BPIFB4: variants seen among roughly 807,000 people sequenced by gnomAD.
The protein encoded by BPIFB4 is BPI fold containing family B member 4, also known as BPI fold-containing family B member 4.
In BPIFB4, 62 loss-of-function variants were observed where a neutral mutation model predicts 69.2. The observed-to-expected ratio is 0.90, with a 90% confidence interval of 0.73 to 1.11. The LOEUF (loss-of-function observed/expected upper bound fraction) is 1.11, where lower values mean the gene tolerates loss of function less well. Ranked by LOEUF, BPIFB4 falls within the 50% of genes least tolerant of loss-of-function variation. The probability of loss-of-function intolerance (pLI) is 0.00; values close to 1 mark genes in which losing one functional copy is unlikely to be tolerated. For missense variants in BPIFB4, 789 were observed against 792.0 expected, an observed-to-expected ratio of 1.00 and a Z score of 0.04; for synonymous variants, 330 against 332.7, an observed-to-expected ratio of 0.99 and a Z score of 0.09.
intron 1 of BPIFB4, 115 bp from the exon 2 acceptor site, chr20:33,080,354 G>A (rs1568998938): frequency 6.6e-6 from 1 of 152,360 alleles, no homozygotes; most frequent in East Asian, 1.9e-4. Flanking sequence ...TGGAGTGAGA[G>A]AAGTGGATGA....
At chr20:33,096,489 G>GGTC in intron 12 of BPIFB4, among the ~76,000 whole-genome samples, 1 of 152,274 alleles carries the variant, frequency 6.6e-6, no homozygotes, top group South Asian at 2.1e-4. Context: ...TGACCAGGCT[G>GGTC]GTCTCGAACT....
rs56030970 is a variant in BPIFB4, at chr20:33,087,753, C to CACACACACACACACACACACACACAA, written c.927-1212_927-1211insCACACACACACACACACACACACAAA. Reference sequence around the variant, plus strand: ...ACACACACACACACACACACACACACAAGCATGCATGCATACACACACATA... The same window carrying CACACACACACACACACACACACACAA: ...ACACACACACACACACACACACACACACACACACACACACACACACACACAAAAGCATGCATGCATACACACACATA... On this transcript the variant is annotated intron_variant, in intron 7 of 17. Transcript: ENST00000375483. 1.3e-3 allele frequency among the ~76,000 whole-genome samples: 189 copies of CACACACACACACACACACACACACAA among 140,850 alleles called. 6 individuals carry two copies. The highest frequency in any genetic ancestry group is 2.9e-3 in the East Asian group (13 of 4,526). 92.4% of individuals were successfully genotyped at this position (140,850 alleles called of 152,430 possible).
chr20:33,085,036 T>A (rs1981383018), intron 6 of BPIFB4, 40 bp downstream of exon 6: 1 of 1,590,736 alleles, frequency 6.3e-7, no homozygotes, highest in East Asian at 2.3e-5. Flanking sequence ...CACCACCCTA[T>A]GGCCCAACCT....
intron 11 of BPIFB4, among the ~76,000 whole-genome samples, chr20:33,093,294 TCCATCCAC>T (rs1333466532): frequency 1.3e-5 from 2 of 150,738 alleles, no homozygotes; most frequent in African/African-American, 4.9e-5. Flanking sequence ...TATTTATTTA[TCCATCCAC>T]CCATCCACCC....
At chr20:33,102,759 C>T (rs1053275428) in intron 14 of BPIFB4, among the ~76,000 whole-genome samples, 2 of 152,210 alleles carry the variant, frequency 1.3e-5, no homozygotes, top group African/African-American at 2.4e-5. Flanking sequence ...ATGATTTGAG[C>T]CTTCTCCGTG....
chr20:33,086,720 C>A (rs1981441188), intron 7 of BPIFB4, among the ~76,000 whole-genome samples: 1 of 152,232 alleles, frequency 6.6e-6, no homozygotes, highest in Non-Finnish European at 1.5e-5. Flanking sequence ...CCACTTGGTT[C>A]TGCCCAGTTC....
intron 17 of BPIFB4, among the ~76,000 whole-genome samples, chr20:33,108,746 CATA>C (rs1473070158): frequency 6.6e-6 from 1 of 152,184 alleles, no homozygotes; most frequent in Non-Finnish European, 1.5e-5. Context: ...AGGCCTGGCA[CATA>C]ATAAGCACTT....
At chr20:33,087,614 T>C (rs1981467651) in intron 7 of BPIFB4, among the ~76,000 whole-genome samples, 1 of 152,116 alleles carries the variant, frequency 6.6e-6, no homozygotes, top group Non-Finnish European at 1.5e-5. Flanking sequence ...CTTTTACATA[T>C]GTCATTTCAC....
chr20:33,090,077 T>C (rs1981554815), intron 9 of BPIFB4, among the ~76,000 whole-genome samples: 1 of 152,242 alleles, frequency 6.6e-6, no homozygotes, highest in Admixed American at 6.5e-5. Flanking sequence ...CCTGTATGGC[T>C]GTGCCATTTG....
intron 1 of BPIFB4, among the ~76,000 whole-genome samples, chr20:33,080,268 A>G (rs1214282501): frequency 2.6e-5 from 4 of 152,188 alleles, no homozygotes; most frequent in Non-Finnish European, 4.4e-5. Context: ...GCTGAAACCA[A>G]CAATTTCTTG....
chr20:33,085,195 C>T (rs1600553653), intron 6 of BPIFB4, among the ~76,000 whole-genome samples, 199 bp downstream of exon 6: 1 of 152,236 alleles, frequency 6.6e-6, no homozygotes, highest in East Asian at 1.9e-4. Flanking sequence ...TGGCTCATGC[C>T]TGTCATCCCA....
In BPIFB4 at chr20:33,095,014, A is replaced by G; in HGVS notation, c.1345-86A>G. On this transcript the variant is annotated intron_variant, in intron 11 of 17. Coordinates refer to ENST00000375483, the MANE Select transcript of BPIFB4 (RefSeq NM_182519.3). ...GACGCCCTGCTGGGTGTTGTAAAGC[A>G]TGTAGGAGTTTAATCACTGTATTAG... 10 of 1,311,010 alleles carry G rather than the reference A, an allele frequency of 7.6e-6. No homozygotes were observed. In the South Asian group the frequency reaches 1.2e-4, roughly 15 times the overall value. The allele number at this position is 1,311,010 out of a possible 1,614,324, so 81.2% of individuals were successfully genotyped here. A position where few individuals can be genotyped will look rare whatever the true frequency, so the allele number is the denominator to read the frequency against.
At chr20:33,088,340 C>CA (rs11167197) in intron 7 of BPIFB4, among the ~76,000 whole-genome samples, 29 of 122,818 alleles carry the variant, frequency 2.4e-4, no homozygotes, top group African/African-American at 5.8e-4. Context: ...GACTCTGTCT[C>CA]AAAAAAAAAA....
At position 33,095,162 on chromosome 20, in the gene BPIFB4, G is replaced by C; in HGVS notation, c.1398+9G>C. ...GAGCCCTGATCCCCAAGGTATGTAAGGTGGGCAGGTCCCATTGCCTTCAGC... is the reference window on the plus strand; with the variant it reads ...GAGCCCTGATCCCCAAGGTATGTAACGTGGGCAGGTCCCATTGCCTTCAGC... On this transcript the variant is annotated intron_variant, in intron 12 of 17. Coordinates refer to ENST00000375483, the MANE Select transcript of BPIFB4 (RefSeq NM_182519.3). 1 of 1,601,112 alleles carries C rather than the reference G, an allele frequency of 6.2e-7. No individual in the cohort carries two copies. The highest frequency in any genetic ancestry group is 8.6e-7 in the Non-Finnish European group (1 of 1,168,186).
intron 13 of BPIFB4, among the ~76,000 whole-genome samples, chr20:33,099,856 T>C (rs1345721368): frequency 6.6e-5 from 10 of 152,200 alleles, no homozygotes; most frequent in Admixed American, 6.5e-4. Flanking sequence ...AGCCAACTTT[T>C]AAATTCAATT....
At position 33,111,561 on chromosome 20, in the gene BPIFB4, C is replaced by T; in HGVS notation, c.*124C>T. On this transcript the variant is annotated 3_prime_UTR_variant, in exon 18 of 18. Coordinates refer to ENST00000375483, the MANE Select transcript of BPIFB4 (RefSeq NM_182519.3). ...CTCCATGACAGGTCCCTCCCTGGCC[C>T]CCCAACCCTCTTCCTCCCTTGCCCC... 1 of 1,221,736 alleles carries T rather than the reference C, an allele frequency of 8.2e-7. No homozygotes were observed. The highest frequency in any genetic ancestry group is 1.2e-6 in the Non-Finnish European group (1 of 849,666). The allele number at this position is 1,221,736 out of a possible 1,614,324, so 75.7% of individuals were successfully genotyped here. A position where few individuals can be genotyped will look rare whatever the true frequency, so the allele number is the denominator to read the frequency against.
chr20:33,082,355 C>T (rs1972199), intron 3 of BPIFB4, among the ~76,000 whole-genome samples: 58,290 of 151,864 alleles, frequency 0.38, 11,943 homozygotes, highest in African/African-American at 0.53. Context: ...TTATTTGAGA[C>T]GGAGTTTCGC....
At chr20:33,104,673 GGGTTCTGA>G in intron 15 of BPIFB4, 129 bp from the exon 16 acceptor site, 1 of 700,732 alleles carries the variant, frequency 1.4e-6, no homozygotes, top group Non-Finnish European at 2.3e-6. Context: ...GGGGTCTCAG[GGGTTCTGA>G]CTGCCAGAAC....
rs751379362 is a variant in BPIFB4 at position 33,097,641 on chromosome 20, T to C, written c.1423T>C (p.Cys475Arg). 2 of 1,614,132 alleles carry C rather than the reference T, an allele frequency of 1.2e-6. No individual in the cohort carries two copies. The highest frequency in any genetic ancestry group is 4.5e-5 in the East Asian group (2 of 44,890). Residue 475 changes from cysteine (C) to arginine (R), a missense_variant, in exon 13 of 18, where the codon TGC becomes CGC. By Grantham distance (180) the Cys-to-Arg change is radical. Coordinates refer to ENST00000375483, the MANE Select transcript of BPIFB4 (RefSeq NM_182519.3). ...GGTGTTCCAGCAGTACCCCGAGTCC[T>C]GCCCACTTATCATCAGGATCCAGGT... Reference protein sequence around the residue: ...PKVFQQYPESCPLIIRIQVLN... With the variant: ...PKVFQQYPESRPLIIRIQVLN...
Sources: allele counts gnomAD v4.1 joint callset (sites outside exome capture counted in the v4.1 genomes callset), GRCh38; gene constraint gnomAD v4.1.1; transcripts MANE v1.5; gene names NCBI Gene and HGNC (gene_info 2026-07-23, HGNC 2026-07-21).